Variants in MED27 observed in about 807,000 individuals in gnomAD.
The protein encoded by MED27 is mediator complex subunit 27, also known as mediator of RNA polymerase II transcription subunit 27.
A neutral mutation model predicts 38.2 loss-of-function variants in MED27; 30 were observed. That is an observed-to-expected ratio of 0.79 (90% CI 0.59 to 1.07). The LOEUF (loss-of-function observed/expected upper bound fraction) is 1.07, where lower values mean the gene tolerates loss of function less well. MED27 is among the 50% of genes least tolerant of loss of function. MED27 has a pLI of 0.00. For synonymous variants in MED27, 122 were observed against 153.5 expected (o/e 0.79, Z 1.52); for missense variants, 289 against 397.5 (o/e 0.73, Z 2.32).
Position 131,884,058 on chromosome 9 carries a change from C to G in MED27, c.723G>C (p.Lys241Asn). 6.2e-7 allele frequency: 1 copy of G among 1,611,690 alleles called. No individual in the cohort carries two copies. Among genetic ancestry groups the G allele is most frequent in the Non-Finnish European group, 8.5e-7 (1 of 1,178,756 alleles). ...GTAAGAAGCAAAAAGTAAAACTTAC[C>G]TTCTGGAATACTTGATAGTTGGATT... ...WSKSNYQVFQ[K>N]VTDHATTALL... Residue 241 changes from lysine to asparagine, a missense_variant and splice_region_variant, in exon 6 of 8, where the codon AAG becomes AAC. Coordinates refer to ENST00000292035, the MANE Select transcript of MED27 (RefSeq NM_004269.4).
chr9:132,077,370 C>T (rs749808538), intron 2 of MED27, 72 bp downstream of exon 2: 30 of 1,411,696 alleles, frequency 2.1e-5, no homozygotes, highest in Non-Finnish European at 2.7e-5. Context: ...CATACTCTTG[C>T]TTTCTGCATG....
At chr9:131,962,697 GT>G (rs1564301725) in intron 3 of MED27, among the ~76,000 whole-genome samples, 1 of 152,224 alleles carries the variant, frequency 6.6e-6, no homozygotes, top group African/African-American at 2.4e-5. Flanking sequence ...GAAATCATGA[GT>G]TTGTGTTTAA....
chr9:132,058,411 C>T (rs1033618242), intron 2 of MED27, among the ~76,000 whole-genome samples: 22 of 152,090 alleles, frequency 1.4e-4, no homozygotes, highest in African/African-American at 4.6e-4. Flanking sequence ...CTCGTGACAG[C>T]GAGTTCATTC....
At chr9:131,929,663 G>C (rs1418477810) in intron 4 of MED27, among the ~76,000 whole-genome samples, 1 of 152,198 alleles carries the variant, frequency 6.6e-6, no homozygotes, top group Non-Finnish European at 1.5e-5. Context: ...GCGGTCACTG[G>C]GAGAGGCTCT....
intron 2 of MED27, among the ~76,000 whole-genome samples, chr9:132,019,123 A>G (rs1458831805): frequency 6.6e-6 from 1 of 152,070 alleles, no homozygotes; most frequent in Non-Finnish European, 1.5e-5. Context: ...ACTGGGAAAA[A>G]CGCCCAGAAA....
At chr9:132,070,451 G>C (rs1358586660) in intron 2 of MED27, among the ~76,000 whole-genome samples, 2 of 152,108 alleles carry the variant, frequency 1.3e-5, no homozygotes, top group Non-Finnish European at 2.9e-5. Flanking sequence ...CTGCTACTTG[G>C]GGGGCTGATG....
At chr9:131,932,997 C>T (rs564192476) in intron 4 of MED27, among the ~76,000 whole-genome samples, 3 of 152,110 alleles carry the variant, frequency 2.0e-5, no homozygotes, top group South Asian at 4.2e-4. Flanking sequence ...ATCATATGAA[C>T]AGAATGAAGG....
intron 3 of MED27, among the ~76,000 whole-genome samples, chr9:131,996,059 C>T (rs1832084438): frequency 1.3e-5 from 2 of 152,174 alleles, no homozygotes; most frequent in African/African-American, 4.8e-5. Flanking sequence ...ATACTTTTGC[C>T]TGGGAATAGC....
Position 132,079,772 on chromosome 9 carries a change from G to A in MED27, c.73C>T (p.Arg25Cys), listed in dbSNP as rs1340545952. ...TCGAACACCCTGCTCACGCTGGAGC[G>A]CAGCGCCTGGATGGCACTAATGGCC... ...SQAISAIQALRSSVSRVFDCL... is the reference protein window; with the variant it reads ...SQAISAIQALCSSVSRVFDCL... The change falls in exon 1 of 8, where the codon CGC (arginine) becomes TGC (cysteine). Residue 25 changes from arginine to cysteine, a missense_variant. Transcript: ENST00000292035. 1 of 1,614,000 alleles carries A rather than the reference G, an allele frequency of 6.2e-7. No individual in the cohort carries two copies. The highest frequency in any genetic ancestry group is 1.3e-5 in the African/African-American group (1 of 74,920).
At chr9:132,074,473 T>C (rs1311550764) in intron 2 of MED27, among the ~76,000 whole-genome samples, 2 of 152,332 alleles carry the variant, frequency 1.3e-5, no homozygotes, top group Middle Eastern at 3.4e-3. Flanking sequence ...CAATAGTGCA[T>C]AGAGCTGACA....
At chr9:131,866,138 G>A (rs1020480307) in intron 6 of MED27, among the ~76,000 whole-genome samples, 2 of 152,188 alleles carry the variant, frequency 1.3e-5, no homozygotes, top group Non-Finnish European at 1.5e-5. Flanking sequence ...CCAGCCTGCT[G>A]TTCCCTGGGT....
At position 132,018,324 on chromosome 9, in the gene MED27, C is replaced by T. The variant is rs181582900; in HGVS notation, c.349-3857G>A. Among the ~76,000 whole-genome samples the T allele has an allele frequency of 1.4e-3, 207 of 152,236 alleles. 1 individual carries two copies. The Middle Eastern group carries it at 0.014, about 10-fold the overall frequency. The stretch of plus-strand genomic sequence containing the variant: ...AGTCCAAATTCAATTAGCTTTAATA[C>T]GCTTCAAATTACAAATAACAACAAA... On this transcript the variant is annotated intron_variant, in intron 2 of 7. Coordinates refer to ENST00000292035, the MANE Select transcript of MED27 (RefSeq NM_004269.4).
At chr9:132,067,233 CCATGCCCATTTCACAGTCCAG>C (rs1209893542) in intron 2 of MED27, among the ~76,000 whole-genome samples, 4 of 152,240 alleles carry the variant, frequency 2.6e-5, no homozygotes, top group African/African-American at 9.6e-5. Flanking sequence ...GAGATCAGCG[CCATGCCCATTTCACAGTCCAG>C]CAGGTGTCAG....
chr9:131,907,649 G>A (rs1320611810), intron 4 of MED27, among the ~76,000 whole-genome samples: 27 of 151,952 alleles, frequency 1.8e-4, no homozygotes, highest in South Asian at 4.2e-4. Flanking sequence ...CCCCGTCTGG[G>A]AAGTGAGGAG....
chr9:131,983,082 C>T (rs976578493), intron 3 of MED27, among the ~76,000 whole-genome samples: 9 of 152,184 alleles, frequency 5.9e-5, no homozygotes, highest in Admixed American at 2.0e-4. Flanking sequence ...TCAGAAGTGC[C>T]TCATGTAATT....
chr9:131,980,776 G>T (rs1158776614), intron 3 of MED27, among the ~76,000 whole-genome samples: 1 of 151,458 alleles, frequency 6.6e-6, no homozygotes, highest in East Asian at 1.9e-4. Flanking sequence ...AAAATGTCAC[G>T]CTTTAACCAC....
At chr9:131,930,127 G>A (rs1330159168) in intron 4 of MED27, among the ~76,000 whole-genome samples, 3 of 152,142 alleles carry the variant, frequency 2.0e-5, no homozygotes, top group Non-Finnish European at 4.4e-5. Flanking sequence ...AGCGTTAAAG[G>A]GCAAATCTAA....
chr9:132,004,601 C>A (rs1050672797), intron 3 of MED27, among the ~76,000 whole-genome samples: 6 of 152,180 alleles, frequency 3.9e-5, no homozygotes, highest in African/African-American at 1.4e-4. Flanking sequence ...ACCTCTAGAT[C>A]CAACCCTATC....
intron 5 of MED27, among the ~76,000 whole-genome samples, chr9:131,885,087 G>A (rs541274553): frequency 6.6e-6 from 1 of 152,336 alleles, no homozygotes; most frequent in East Asian, 1.9e-4. Flanking sequence ...CTGGCATGTT[G>A]TGGGCATCAG....
Sources: allele counts gnomAD v4.1 joint callset (sites outside exome capture counted in the v4.1 genomes callset), GRCh38; gene constraint gnomAD v4.1.1; transcripts MANE v1.5; gene names NCBI Gene and HGNC (gene_info 2026-07-23, HGNC 2026-07-21).